Variants in TMIGD3 observed in about 807,000 individuals in gnomAD.
TMIGD3 encodes the protein transmembrane and immunoglobulin domain containing 3.
A neutral mutation model predicts 28.1 loss-of-function variants in TMIGD3; 21 were observed. The ratio of observed to expected loss-of-function variants is 0.75; its 90% CI spans 0.53 to 1.08. TMIGD3 has a LOEUF of 1.08. TMIGD3 is among the 50% of genes least tolerant of loss of function. TMIGD3 has a pLI of 0.00. For missense variants in TMIGD3, 416 were observed against 435.6 expected, an observed-to-expected ratio of 0.96 and a Z score of 0.40; for synonymous variants, 151 against 162.1, an observed-to-expected ratio of 0.93 and a Z score of 0.52.
chr1:111,528,352 C>G (rs1656339502), intron 1 of TMIGD3, among the ~76,000 whole-genome samples: 3 of 152,170 alleles, frequency 2.0e-5, no homozygotes, highest in African/African-American at 7.2e-5. Context: ...TCTGGCCTTT[C>G]TATTCTGTTC....
rs140774488 is a variant in TMIGD3, at chr1:111,488,705, G to C, written c.777C>G (p.Thr259=). The C allele has an allele frequency of 1.2e-6, 2 of 1,614,018 alleles. No individual in the cohort carries two copies. Among genetic ancestry groups the C allele is most frequent in the Non-Finnish European group, 1.7e-6 (2 of 1,179,898 alleles). Residue 259 remains threonine, a synonymous_variant, in exon 3 of 6, where the codon ACC becomes ACG. Transcript: ENST00000369716. The part of the protein sequence containing the change: ...TELIVTDDKG[T]LANDFWSGKD... ...TCCCAGACCAAAAGTCATTGGCCAGGGTTCCTTTGTCGTCAGTTACAATCA... is the reference window on the plus strand; with the variant it reads ...TCCCAGACCAAAAGTCATTGGCCAGCGTTCCTTTGTCGTCAGTTACAATCA...
chr1:111,532,329 A>G (rs1161149158), intron 1 of TMIGD3, among the ~76,000 whole-genome samples: 1 of 152,202 alleles, frequency 6.6e-6, no homozygotes, highest in African/African-American at 2.4e-5. Flanking sequence ...ATGAAGATGG[A>G]ACCTCTTTAT....
Position 111,483,558 on chromosome 1 carries a change from G to A in TMIGD3, c.*129C>T. On this transcript the variant is annotated 3_prime_UTR_variant, in exon 6 of 6. Coordinates refer to ENST00000369716, the MANE Select transcript of TMIGD3 (RefSeq NM_020683.7). ...CGTTGCTACCTGGCTGCAAATGATT[G>A]TTGTCAAGGATAGAGGGTCCTTCAG... 2.5e-6 allele frequency: 2 copies of A among 809,974 alleles called. No individual in the cohort carries two copies. Among genetic ancestry groups the A allele is most frequent in the Non-Finnish European group, 4.1e-6 (2 of 482,356 alleles). 50.2% of individuals were successfully genotyped at this position (809,974 alleles called of 1,614,324 possible). A position where few individuals can be genotyped will look rare whatever the true frequency, so the allele number is the denominator to read the frequency against.
chr1:111,558,384 G>T (rs2101044107), intron 1 of TMIGD3, among the ~76,000 whole-genome samples: 1 of 150,626 alleles, frequency 6.6e-6, no homozygotes, highest in African/African-American at 2.4e-5. Context: ...ACAGGGTTTT[G>T]CCATGTTGCC....
Position 111,500,329 on chromosome 1 carries a change from A to G in TMIGD3, c.350+2676T>C, listed in dbSNP as rs200430180. On this transcript the variant is annotated intron_variant, in intron 1 of 5. Coordinates refer to ENST00000369716, the MANE Select transcript of TMIGD3 (RefSeq NM_020683.7). ...AAAGATGTCAAGATAGATGGCGCAC[A>G]TGACAACCAGGGGGATGAAAATCCA... 8 of 1,614,268 alleles carry G rather than the reference A, an allele frequency of 5.0e-6. No homozygotes were observed. The Admixed American group carries it at 5.0e-5, about 10-fold the overall frequency.
At chr1:111,557,731 G>A (rs760350398) in intron 1 of TMIGD3, among the ~76,000 whole-genome samples, 6 of 152,010 alleles carry the variant, frequency 3.9e-5, no homozygotes, top group Non-Finnish European at 4.4e-5. Flanking sequence ...CAAATATATA[G>A]ACATAGACAG....
chr1:111,542,433 C>G, intron 1 of TMIGD3: 1 of 229,754 alleles, frequency 4.4e-6, no homozygotes, highest in Non-Finnish European at 9.1e-6. Context: ...AAACTGGGCT[C>G]CGCCCTTAAG....
At chr1:111,493,849 G>A (rs780347264) in intron 1 of TMIGD3, among the ~76,000 whole-genome samples, 2 of 152,180 alleles carry the variant, frequency 1.3e-5, no homozygotes, top group African/African-American at 4.8e-5. Context: ...TAAAACTGTA[G>A]AGCATATTAG....
At chr1:111,537,194 G>A (rs1656667126) in intron 1 of TMIGD3, among the ~76,000 whole-genome samples, 1 of 152,106 alleles carries the variant, frequency 6.6e-6, no homozygotes, top group African/African-American at 2.4e-5. Context: ...TGGAGCAATG[G>A]CTCCCTCTTA....
At chr1:111,516,232 A>T (rs191694268) in intron 1 of TMIGD3, among the ~76,000 whole-genome samples, 71 of 152,276 alleles carry the variant, frequency 4.7e-4, no homozygotes, top group Admixed American at 4.3e-3. Context: ...GAGAGAGGGG[A>T]GTGGGAATGC....
chr1:111,487,877 C>T (rs918936016), intron 3 of TMIGD3, among the ~76,000 whole-genome samples: 2 of 152,144 alleles, frequency 1.3e-5, no homozygotes, highest in Admixed American at 1.3e-4. Context: ...AATCACGGCT[C>T]ACTGCAGCCT....
chr1:111,551,591 A>G (rs1050870666), intron 1 of TMIGD3, among the ~76,000 whole-genome samples: 1 of 152,216 alleles, frequency 6.6e-6, no homozygotes, highest in Admixed American at 6.5e-5. Context: ...CCATCAATAT[A>G]AATTTATAAT....
intron 1 of TMIGD3, among the ~76,000 whole-genome samples, chr1:111,555,671 C>T (rs1571463812): frequency 6.6e-6 from 1 of 152,100 alleles, no homozygotes; most frequent in Admixed American, 6.5e-5. Flanking sequence ...CAAAGAGATA[C>T]TGTCTTTTCA....
At chr1:111,516,538 A>T (rs747104558) in intron 1 of TMIGD3, among the ~76,000 whole-genome samples, 2 of 152,220 alleles carry the variant, frequency 1.3e-5, no homozygotes, top group South Asian at 2.1e-4. Context: ...ATTTCTGCCC[A>T]GAGAACAGCA....
chr1:111,515,666 G>A (rs1336849586), intron 1 of TMIGD3, among the ~76,000 whole-genome samples: 1 of 152,250 alleles, frequency 6.6e-6, no homozygotes, highest in Non-Finnish European at 1.5e-5. Flanking sequence ...GAGCAGCGCT[G>A]AGGGGGCCCT....
intron 1 of TMIGD3, among the ~76,000 whole-genome samples, chr1:111,526,666 G>T (rs1656273574): frequency 6.6e-6 from 1 of 152,170 alleles, no homozygotes. Context: ...GAAAGAACCT[G>T]CATTAACACA....
At chr1:111,534,875 G>A (rs530329304) in intron 1 of TMIGD3, among the ~76,000 whole-genome samples, 5 of 152,224 alleles carry the variant, frequency 3.3e-5, no homozygotes, top group Non-Finnish European at 7.4e-5. Context: ...CTTATCTTAT[G>A]TATAGGAATC....
At chr1:111,524,800 A>G (rs1331782905) in intron 1 of TMIGD3, among the ~76,000 whole-genome samples, 1 of 151,972 alleles carries the variant, frequency 6.6e-6, no homozygotes, top group Admixed American at 6.6e-5. Context: ...TTGTATTTTT[A>G]GTAGAGACAG....
chr1:111,530,852 AT>A (rs1656436100), intron 1 of TMIGD3, among the ~76,000 whole-genome samples: 2 of 152,272 alleles, frequency 1.3e-5, no homozygotes, highest in South Asian at 4.1e-4. Context: ...TTTCTTGGAT[AT>A]TTGACTTTAC....
Sources: allele counts gnomAD v4.1 joint callset (sites outside exome capture counted in the v4.1 genomes callset), GRCh38; gene constraint gnomAD v4.1.1; transcripts MANE v1.5; gene names NCBI Gene and HGNC (gene_info 2026-07-23, HGNC 2026-07-21).